AGO2: variants seen among roughly 807,000 people sequenced by gnomAD.
AGO2 encodes the protein protein argonaute-2.
AGO2 carries 5 observed loss-of-function variants against 102.3 expected under a neutral mutation model. The ratio of observed to expected loss-of-function variants is 0.05; its 90% CI spans 0.03 to 0.10. The LOEUF (loss-of-function observed/expected upper bound fraction) is 0.10, where lower values mean the gene tolerates loss of function less well. Ranked by LOEUF, AGO2 falls within the 10% of genes least tolerant of loss-of-function variation. The pLI, the probability that AGO2 is intolerant of heterozygous loss-of-function variation, is 1.00. For missense variants in AGO2, 541 were observed against 1,183.7 expected (o/e 0.46, Z 7.97); for synonymous variants, 449 against 473.1 (o/e 0.95, Z 0.66).
chr8:140,562,408 G>C (rs779240459), intron 4 of AGO2, 45 bp downstream of exon 4: 5 of 1,574,610 alleles, frequency 3.2e-6, no homozygotes, highest in Non-Finnish European at 4.3e-6. Flanking sequence ...GGCCCTCGGA[G>C]CTGCAGGGGA....
chr8:140,629,393 G>A (rs1423856311), intron 1 of AGO2, among the ~76,000 whole-genome samples: 2 of 122,474 alleles, frequency 1.6e-5, no homozygotes, highest in Non-Finnish European at 4.0e-5. Context: ...AAAAGTCACT[G>A]TATGGGGGAA....
chr8:140,579,827 G>T (rs781525494), intron 2 of AGO2, among the ~76,000 whole-genome samples: 3 of 152,232 alleles, frequency 2.0e-5, no homozygotes, highest in Admixed American at 6.5e-5. Context: ...CTGCATTCCC[G>T]TGAGTGGCTC....
At chr8:140,602,591 CATCCCT>C in intron 1 of AGO2, among the ~76,000 whole-genome samples, 1 of 152,316 alleles carries the variant, frequency 6.6e-6, no homozygotes, top group South Asian at 2.1e-4. Context: ...TTCTGCAGCC[CATCCCT>C]GTGGCTCAGG....
intron 1 of AGO2, among the ~76,000 whole-genome samples, chr8:140,590,709 A>G (rs987131314): frequency 5.3e-5 from 8 of 152,180 alleles, no homozygotes; most frequent in African/African-American, 1.9e-4. Context: ...CCACTGCATC[A>G]GTGCTCCTCG....
At chr8:140,542,344 T>C (rs1212803538) in intron 14 of AGO2, among the ~76,000 whole-genome samples, 1 of 152,224 alleles carries the variant, frequency 6.6e-6, no homozygotes, top group Non-Finnish European at 1.5e-5. Flanking sequence ...TCTTCGTAAA[T>C]CCTTACAGAA....
rs187620290 is a variant in AGO2, at chr8:140,619,150, G to C, written c.22+16335C>G. On this transcript the variant is annotated intron_variant, in intron 1 of 18. Coordinates refer to ENST00000220592, the MANE Select transcript of AGO2 (RefSeq NM_012154.5). The stretch of plus-strand genomic sequence containing the variant: ...TGGAAGGAGGAGGCCCCTGGCCCTG[G>C]GCTGCCCACACAGTGTATACAAGAC... 8.5e-3 allele frequency among the ~76,000 whole-genome samples: 1,289 copies of C among 152,108 alleles called. 9 individuals are homozygous for C. The highest frequency in any genetic ancestry group is 0.04 in the South Asian group (191 of 4,822).
intron 2 of AGO2, among the ~76,000 whole-genome samples, chr8:140,581,794 C>G (rs11776034): frequency 0.13 from 20,202 of 152,206 alleles, 1,770 homozygotes; most frequent in East Asian, 0.27. Context: ...ATAGAACTCT[C>G]AACATACTCT....
chr8:140,533,839 T>C (rs1306995040), intron 17 of AGO2, among the ~76,000 whole-genome samples: 1 of 151,976 alleles, frequency 6.6e-6, no homozygotes, highest in African/African-American at 2.4e-5. Flanking sequence ...AATTACACAT[T>C]AGCAGTAACA....
At chr8:140,597,096 A>C (rs1359379104) in intron 1 of AGO2, among the ~76,000 whole-genome samples, 3 of 152,188 alleles carry the variant, frequency 2.0e-5, no homozygotes, top group Non-Finnish European at 4.4e-5. Context: ...CTCACAGAGG[A>C]ACTGTATAGA....
At chr8:140,537,535 AAT>A (rs551503261) in intron 16 of AGO2, among the ~76,000 whole-genome samples, 141 of 152,228 alleles carry the variant, frequency 9.3e-4, no homozygotes, top group African/African-American at 3.2e-3. Flanking sequence ...CTCTTGGACT[AAT>A]ACGATCCACC....
chr8:140,599,734 T>C lies in AGO2; in HGVS notation c.23-14423A>G, dbSNP rs188334219. The stretch of plus-strand genomic sequence containing the variant: ...CCTCTCACGATTTTTTTGTTTGTTT[T>C]TCCCCGAGACAAGGTTCTCAGTCTG... On this transcript the variant is annotated intron_variant, in intron 1 of 18. Coordinates refer to ENST00000220592, the MANE Select transcript of AGO2 (RefSeq NM_012154.5). Among the ~76,000 whole-genome samples the C allele has an allele frequency of 9.7e-4, 148 of 152,276 alleles. 1 individual carries two copies. The highest frequency in any genetic ancestry group is 3.5e-3 in the African/African-American group (144 of 41,556).
At chr8:140,613,069 A>G (rs2074100729) in intron 1 of AGO2, among the ~76,000 whole-genome samples, 1 of 151,768 alleles carries the variant, frequency 6.6e-6, no homozygotes, top group Non-Finnish European at 1.5e-5. Flanking sequence ...GTGTGGTGGC[A>G]GACGCCCGTA....
intron 3 of AGO2, among the ~76,000 whole-genome samples, chr8:140,564,957 C>A (rs1345639812): frequency 6.7e-6 from 1 of 150,012 alleles, no homozygotes. Flanking sequence ...CATAGTGAAA[C>A]CTCGTCTCTA....
At chr8:140,638,352 G>A (rs2074422892), upstream of AGO2, 1 of 152,252 alleles carries the variant, frequency 6.6e-6, no homozygotes, top group Non-Finnish European at 1.5e-5. Context: ...ATCAAACAAT[G>A]ATAAATAAGT....
rs2072540200 is a variant in AGO2, at chr8:140,528,578, G to A, written c.*3466C>T. On this transcript the variant is annotated 3_prime_UTR_variant, in exon 19 of 19. Coordinates refer to ENST00000220592, the MANE Select transcript of AGO2 (RefSeq NM_012154.5). This position sits in a 1 kb window ranked among gnomAD's most constrained non-coding sequence, Gnocchi z 4.5. ...TGGTCACGCATCGTTTGTGGTTCTAGAGTGCAAACATTCATTCAAAGGAGT... is the reference window on the plus strand; with the variant it reads ...TGGTCACGCATCGTTTGTGGTTCTAAAGTGCAAACATTCATTCAAAGGAGT... The A allele has an allele frequency of 6.6e-6, 1 of 152,154 alleles. No homozygotes were observed. The highest frequency in any genetic ancestry group is 2.1e-4 in the South Asian group (1 of 4,834). The allele number at this position is 152,154 out of a possible 1,614,324, so 9.4% of individuals were successfully genotyped here. A position where few individuals can be genotyped will look rare whatever the true frequency, so the allele number is the denominator to read the frequency against.
In AGO2 at chr8:140,553,404, G is replaced by GTT. The variant is rs1386366277; in HGVS notation, c.1270-1970_1270-1969dup. ...GCCTCAAACAAGTTACAAGTTTTTT[G>GTT]TTTTTTGTTTTTTTTTTTTTTTGAG... On this transcript the variant is annotated intron_variant, in intron 10 of 18. Transcript: ENST00000220592. Among the ~76,000 whole-genome samples, 54 of 101,696 alleles carry GTT rather than the reference G, an allele frequency of 5.3e-4. 3 individuals are homozygous for GTT. Among genetic ancestry groups the GTT allele is most frequent in the African/African-American group, 1.1e-3 (23 of 20,608 alleles). The allele number at this position is 101,696 out of a possible 152,430, so 66.7% of individuals were successfully genotyped here. A position where few individuals can be genotyped will look rare whatever the true frequency, so the allele number is the denominator to read the frequency against.
chr8:140,585,155 T>G lies in AGO2; in HGVS notation c.179A>C (p.Asp60Ala). Reference protein sequence around the residue: ...PKIDIYHYELDIKPEKCPRRV... With the variant: ...PKIDIYHYELAIKPEKCPRRV... The stretch of plus-strand genomic sequence containing the variant: ...CCTCGGGCACTTCTCTGGCTTGATA[T>G]CCAATTCATAATGATAGATGTCAAT... The change falls in exon 2 of 19, where the codon GAT (aspartate) becomes GCT (alanine). Residue 60 changes from aspartate (D) to alanine (A), a missense_variant. Asp to Ala is a moderately radical substitution (Grantham distance 126). Transcript: ENST00000220592. 1.2e-6 allele frequency: 2 copies of G among 1,614,220 alleles called. No individual in the cohort carries two copies. The highest frequency in any genetic ancestry group is 1.7e-6 in the Non-Finnish European group (2 of 1,180,030).
intron 11 of AGO2, 41 bp downstream of exon 11, chr8:140,551,262 C>G (rs1276864444): frequency 6.9e-7 from 1 of 1,457,458 alleles, no homozygotes; most frequent in Non-Finnish European, 9.1e-7. Context: ...GCCCATCGGG[C>G]AGCACCCCCA....
In AGO2 at chr8:140,567,211, G is replaced by A. The variant is rs544584218; in HGVS notation, c.337-4577C>T. 9.2e-5 allele frequency among the ~76,000 whole-genome samples: 14 copies of A among 152,338 alleles called. No homozygotes were observed. Among genetic ancestry groups the A allele is most frequent in the South Asian group, 2.1e-4 (1 of 4,826 alleles). ...AGAGAAAGGACAGCAGAGTCACCCC[G>A]GGCTCTGTAACTATCTGCCCATCCC... is the stretch of plus-strand genomic sequence containing the variant. On this transcript the variant is annotated intron_variant, in intron 3 of 18. Coordinates refer to ENST00000220592, the MANE Select transcript of AGO2 (RefSeq NM_012154.5). This position sits in a 1 kb window ranked among gnomAD's most constrained non-coding sequence, Gnocchi z 5.0.
Sources: gnomAD v4.1 joint callset for allele counts (sites outside exome capture counted in the v4.1 genomes callset) on GRCh38, gnomAD v4.1.1 for gene constraint, Gnocchi (gnomAD v3.1) non-coding constraint, MANE v1.5 for transcripts, NCBI Gene and HGNC (gene_info 2026-07-23, HGNC 2026-07-21) for gene names.